DMD: variants seen among roughly 807,000 people sequenced by gnomAD.
DMD encodes the protein dystrophin.
A neutral mutation model predicts 330.1 loss-of-function variants in DMD; 63 were observed. The observed-to-expected ratio is 0.19, with a 90% CI of 0.16 to 0.24. DMD has a LOEUF of 0.24. Ranked by LOEUF, DMD falls within the 10% of genes least tolerant of loss-of-function variation. The pLI, the probability that DMD is intolerant of heterozygous loss-of-function variation, is 1.00. For synonymous variants in DMD, 1,223 were observed against 959.8 expected, an observed-to-expected ratio of 1.27 and a Z score of -5.07; for missense variants, 3,344 against 2,684.1, an observed-to-expected ratio of 1.25 and a Z score of -5.43.
rs5972816 is a variant in DMD at position 33,338,085 on chromosome X, T to C, written c.7+1174A>G. 4.1e-3 allele frequency among the ~76,000 whole-genome samples: 463 copies of C among 112,176 alleles called. 1 individual carries two copies. Among genetic ancestry groups the C allele is most frequent in the African/African-American group, 0.015 (451 of 30,974 alleles). On this transcript the variant is annotated intron_variant, in intron 1 of 17. Transcript: ENST00000288447. ...TCACACTTAGGAAAATCTATTTCTA[T>C]ATTATTTAACATCTGTTTTAAACAA... is the stretch of plus-strand genomic sequence containing the variant.
chrX:32,398,271 C>G (rs1194663025), intron 30 of DMD, among the ~76,000 whole-genome samples: 1 of 99,815 alleles, frequency 1.0e-5, no homozygotes, highest in African/African-American at 3.5e-5. Context: ...AAACCCCCCC[C>G]CCCAAGTAGA....
At chrX:33,033,198 G>A (rs368299668) in intron 1 of DMD, among the ~76,000 whole-genome samples, 1 of 110,339 alleles carries the variant, frequency 9.1e-6, no homozygotes, top group East Asian at 2.9e-4. Flanking sequence ...ATGACAAGTG[G>A]TTAACGACTG....
intron 16 of DMD, among the ~76,000 whole-genome samples, chrX:32,546,926 T>C (rs1311718442): frequency 4.5e-5 from 5 of 112,169 alleles, no homozygotes; most frequent in Non-Finnish European, 9.4e-5. Context: ...GTTTTATTTC[T>C]AGTCAAAAAG....
chrX:32,219,338 G>T (rs1002245956), intron 43 of DMD, among the ~76,000 whole-genome samples: 21 of 111,564 alleles, frequency 1.9e-4, no homozygotes, highest in African/African-American at 6.8e-4. Context: ...CATTGCATAT[G>T]TTACATGCAT....
At chrX:32,256,312 GT>G (rs34367828) in intron 43 of DMD, among the ~76,000 whole-genome samples, 2,763 of 102,410 alleles carry the variant, frequency 0.027, 99 homozygotes, top group African/African-American at 0.091. Flanking sequence ...TGTAACCCCT[GT>G]TTTTTTTTTT....
At chrX:33,066,446 CAAA>C (rs778464677) in intron 1 of DMD, among the ~76,000 whole-genome samples, 1 of 38,415 alleles carries the variant, frequency 2.6e-5, no homozygotes, top group Non-Finnish European at 4.5e-5. Context: ...GAGACTCTGT[CAAA>C]AAAAAAAAAA....
At chrX:31,732,423 A>T (rs1469503536) in intron 51 of DMD, among the ~76,000 whole-genome samples, 1 of 111,493 alleles carries the variant, frequency 9.0e-6, no homozygotes, top group Non-Finnish European at 1.9e-5. Context: ...GTATTTTTTC[A>T]TTAAGATATT....
intron 1 of DMD, among the ~76,000 whole-genome samples, chrX:33,255,394 G>A (rs1239398014): frequency 9.0e-6 from 1 of 110,890 alleles, no homozygotes; most frequent in Non-Finnish European, 1.9e-5. Context: ...ATTGTCATCC[G>A]TATTTTATAG....
intron 1 of DMD, among the ~76,000 whole-genome samples, chrX:33,053,576 A>C (rs1013308057): frequency 9.0e-6 from 1 of 110,638 alleles, no homozygotes; most frequent in African/African-American, 3.3e-5. Context: ...AGCCTGGGTG[A>C]CAGAGCAAGA....
intron 44 of DMD, among the ~76,000 whole-genome samples, chrX:32,162,719 T>A (rs2096854439): frequency 9.5e-6 from 1 of 105,621 alleles, no homozygotes; most frequent in East Asian, 3.0e-4. Flanking sequence ...TACAGGCATG[T>A]GCCACAACGC....
At chrX:31,360,958 T>C (rs1481360899) in intron 60 of DMD, among the ~76,000 whole-genome samples, 2 of 111,452 alleles carry the variant, frequency 1.8e-5, no homozygotes, top group African/African-American at 6.6e-5. Context: ...GTTACTTATT[T>C]GTATTAAAAG....
At chrX:32,254,138 T>C (rs1030608300) in intron 43 of DMD, among the ~76,000 whole-genome samples, 4 of 111,287 alleles carry the variant, frequency 3.6e-5, no homozygotes, top group African/African-American at 1.3e-4. Flanking sequence ...GCCTCCTGGG[T>C]TCCAGTGATT....
chrX:32,251,525 T>C (rs1468194586), intron 43 of DMD, among the ~76,000 whole-genome samples: 2 of 111,870 alleles, frequency 1.8e-5, no homozygotes, highest in Non-Finnish European at 1.9e-5. Context: ...AAGTTGCTAC[T>C]AATAGCTCCA....
intron 4 of DMD, among the ~76,000 whole-genome samples, chrX:32,829,554 G>C (rs972324190): frequency 2.7e-5 from 3 of 111,534 alleles, no homozygotes; most frequent in African/African-American, 9.8e-5. Context: ...CTTTTCAAGA[G>C]CTCACTTTTG....
At chrX:32,323,943 A>ATTG (rs1352318164) in intron 41 of DMD, among the ~76,000 whole-genome samples, 1 of 111,292 alleles carries the variant, frequency 9.0e-6, no homozygotes, top group Admixed American at 9.6e-5. Flanking sequence ...TCAAGCACGT[A>ATTG]TTGGTAAGAA....
intron 55 of DMD, among the ~76,000 whole-genome samples, chrX:31,568,272 T>A (rs1439903990): frequency 9.0e-6 from 1 of 111,444 alleles, no homozygotes; most frequent in Non-Finnish European, 1.9e-5. Context: ...TTCAATTAGA[T>A]CCTATTGGTT....
At chrX:32,323,347 T>G (rs2097630879) in intron 41 of DMD, among the ~76,000 whole-genome samples, 1 of 110,810 alleles carries the variant, frequency 9.0e-6, no homozygotes, top group Non-Finnish European at 1.9e-5. Flanking sequence ...AATAAAGATT[T>G]CAAAACAATG....
intron 44 of DMD, among the ~76,000 whole-genome samples, chrX:32,209,602 T>C (rs17243319): frequency 0.13 from 14,588 of 111,167 alleles, 956 homozygotes; most frequent in Non-Finnish European, 0.19. Flanking sequence ...TCCAGAATGA[T>C]GGTGCGCAGT....
intron 6 of DMD, among the ~76,000 whole-genome samples, chrX:32,813,860 GC>G (rs931811247): frequency 1.3e-4 from 14 of 111,730 alleles, no homozygotes; most frequent in African/African-American, 4.5e-4. Context: ...TGTAATAAAA[GC>G]AAAAATTACA....
Sources: allele counts gnomAD v4.1 joint callset (sites outside exome capture counted in the v4.1 genomes callset), GRCh38; gene constraint gnomAD v4.1.1; transcripts MANE v1.5; gene names NCBI Gene and HGNC (gene_info 2026-07-23, HGNC 2026-07-21).